The following PTPRM variants were observed in gnomAD, a reference collection of about 807,000 sequenced individuals.
PTPRM encodes the protein protein tyrosine phosphatase receptor type M.
PTPRM carries 47 observed loss-of-function variants against 186.7 expected under a neutral mutation model. The ratio of observed to expected loss-of-function variants is 0.25; its 90% CI spans 0.20 to 0.32. The LOEUF (loss-of-function observed/expected upper bound fraction) is 0.32. Among genes scored for constraint, PTPRM ranks in the 10% least tolerant of loss-of-function variants. The pLI, the probability that PTPRM is intolerant of heterozygous loss-of-function variation, is 1.00. For missense variants in PTPRM, 1,494 were observed against 1,865.0 expected (o/e 0.80, Z 3.66); for synonymous variants, 668 against 674.9 (o/e 0.99, Z 0.16).
At chr18:7,612,530 G>A (rs2037702233) in intron 1 of PTPRM, among the ~76,000 whole-genome samples, 1 of 152,088 alleles carries the variant, frequency 6.6e-6, no homozygotes, top group African/African-American at 2.4e-5. Context: ...GATTTTATCA[G>A]CCTTGGACCC....
intron 1 of PTPRM, among the ~76,000 whole-genome samples, chr18:7,666,076 A>G (rs2039088507): frequency 6.6e-6 from 1 of 152,204 alleles, no homozygotes; most frequent in Non-Finnish European, 1.5e-5. Flanking sequence ...TATTTTAAAG[A>G]CATATCGTTA....
intron 14 of PTPRM, among the ~76,000 whole-genome samples, chr18:8,157,421 G>T (rs916313965): frequency 3.3e-5 from 5 of 152,180 alleles, no homozygotes; most frequent in African/African-American, 1.2e-4. Flanking sequence ...GTCTCCCCTT[G>T]AGAGGGGGTC....
At chr18:8,126,438 A>G (rs1459659212) in intron 13 of PTPRM, among the ~76,000 whole-genome samples, 2 of 152,190 alleles carry the variant, frequency 1.3e-5, no homozygotes, top group African/African-American at 4.8e-5. Context: ...TTACAAAAGC[A>G]TAATTTCGAT....
intron 5 of PTPRM, among the ~76,000 whole-genome samples, chr18:7,948,043 T>C (rs1302901501): frequency 1.8e-4 from 27 of 151,988 alleles, no homozygotes; most frequent in Non-Finnish European, 3.7e-4. Flanking sequence ...ATAATGATCA[T>C]GTATTAGCCT....
chr18:8,160,458 T>TTTGTTG (rs555423057), intron 14 of PTPRM, among the ~76,000 whole-genome samples: 24 of 151,592 alleles, frequency 1.6e-4, no homozygotes, highest in African/African-American at 5.1e-4. Flanking sequence ...ATTTTGGGGT[T>TTTGTTG]TTGTTGTTGT....
At chr18:7,830,470 G>A (rs1001416702) in intron 2 of PTPRM, among the ~76,000 whole-genome samples, 11 of 152,158 alleles carry the variant, frequency 7.2e-5, no homozygotes, top group African/African-American at 2.4e-4. Flanking sequence ...AAACCTAAAT[G>A]GTATAGCCTA....
At chr18:7,748,809 TAGGAACCCAC>T (rs976158520) in intron 1 of PTPRM, among the ~76,000 whole-genome samples, 5 of 152,122 alleles carry the variant, frequency 3.3e-5, no homozygotes, top group Admixed American at 1.3e-4. Flanking sequence ...GTTGTTGACT[TAGGAACCCAC>T]AGCCTTCCAT....
At position 7,872,037 on chromosome 18, in the gene PTPRM, T is replaced by G. The variant is rs555425239; in HGVS notation, c.197-16069T>G. Among the ~76,000 whole-genome samples, 6 of 152,344 alleles carry G rather than the reference T, an allele frequency of 3.9e-5. No homozygotes were observed. In the East Asian group the frequency reaches 1.2e-3, roughly 29 times the overall value. ...CTCTGTTGTTATTTTTTGTTCATAGTGCATTGTGGTAGTTAATTCAACTAA... is the reference window on the plus strand; with the variant it reads ...CTCTGTTGTTATTTTTTGTTCATAGGGCATTGTGGTAGTTAATTCAACTAA... On this transcript the variant is annotated intron_variant, in intron 2 of 32. Coordinates refer to ENST00000580170, the MANE Select transcript of PTPRM (RefSeq NM_001105244.2).
chr18:8,081,423 G>C, intron 9 of PTPRM, among the ~76,000 whole-genome samples: 1 of 152,166 alleles, frequency 6.6e-6, no homozygotes, highest in East Asian at 1.9e-4. Flanking sequence ...ACAGTTTCCT[G>C]GACCTTCAGC....
chr18:7,886,236 AC>A (rs1427064042), intron 2 of PTPRM, among the ~76,000 whole-genome samples: 3 of 152,220 alleles, frequency 2.0e-5, no homozygotes, highest in African/African-American at 7.2e-5. Context: ...TGTAACTCAT[AC>A]ACAGGAACGT....
chr18:7,704,975 A>C (rs983396490), intron 1 of PTPRM, among the ~76,000 whole-genome samples: 3 of 152,120 alleles, frequency 2.0e-5, no homozygotes, highest in Non-Finnish European at 4.4e-5. Context: ...TAGTTTCACT[A>C]TGTGATATAT....
At chr18:8,170,287 G>A (rs553862234) in intron 14 of PTPRM, among the ~76,000 whole-genome samples, 47 of 152,212 alleles carry the variant, frequency 3.1e-4, no homozygotes, top group Admixed American at 1.8e-3. Context: ...AGAGCCTCCC[G>A]AAATCTAGAG....
intron 3 of PTPRM, 42 bp downstream of exon 3, chr18:7,888,419 A>C: frequency 6.6e-7 from 1 of 1,510,484 alleles, no homozygotes; most frequent in Non-Finnish European, 8.9e-7. Context: ...AGCATCCTCT[A>C]ATTTCTAAAA....
At chr18:7,772,357 T>TTCTTTCTTTC (rs1255353433) in intron 1 of PTPRM, among the ~76,000 whole-genome samples, 22 of 31,062 alleles carry the variant, frequency 7.1e-4, no homozygotes, top group African/African-American at 1.8e-3. Context: ...TTCTCTTTCT[T>TTCTTTCTTTC]TCTTTCTTTC....
At chr18:7,799,347 C>T (rs2043834157) in intron 2 of PTPRM, among the ~76,000 whole-genome samples, 2 of 152,192 alleles carry the variant, frequency 1.3e-5, no homozygotes, top group South Asian at 4.1e-4. Flanking sequence ...CTTCTTCATA[C>T]TATCAACTTA....
chr18:8,241,558 A>G (rs1483187120), intron 14 of PTPRM, among the ~76,000 whole-genome samples: 1 of 152,184 alleles, frequency 6.6e-6, no homozygotes, highest in African/African-American at 2.4e-5. Flanking sequence ...GAGTTGATAT[A>G]AAGTCGGGTC....
intron 5 of PTPRM, among the ~76,000 whole-genome samples, chr18:7,932,425 C>CT (rs1441732832): frequency 4.6e-5 from 7 of 152,042 alleles, no homozygotes; most frequent in Admixed American, 2.6e-4. Flanking sequence ...ATGTAGGAAA[C>CT]TTTAGTGCAG....
At chr18:7,959,011 A>C (rs2053498423) in intron 7 of PTPRM, among the ~76,000 whole-genome samples, 1 of 152,188 alleles carries the variant, frequency 6.6e-6, no homozygotes. Flanking sequence ...CTGGCACTAG[A>C]CATAGGACTA....
intron 13 of PTPRM, among the ~76,000 whole-genome samples, chr18:8,142,455 CA>C (rs1268998465): frequency 1.3e-5 from 2 of 152,000 alleles, no homozygotes; most frequent in African/African-American, 4.8e-5. Context: ...CCAAAGGACA[CA>C]AAAAAACAGA....
Sources: gnomAD v4.1 joint callset for allele counts (sites outside exome capture counted in the v4.1 genomes callset) on GRCh38, gnomAD v4.1.1 for gene constraint, MANE v1.5 for transcripts, NCBI Gene and HGNC (gene_info 2026-07-23, HGNC 2026-07-21) for gene names.